The following RPAP2 variants were observed in gnomAD, a reference collection of about 807,000 sequenced individuals.
The protein encoded by RPAP2 is putative RNA polymerase II subunit B1 CTD phosphatase RPAP2.
In RPAP2, 52 loss-of-function variants were observed where a neutral mutation model predicts 73.1. The ratio of observed to expected loss-of-function variants is 0.71; its 90% CI spans 0.57 to 0.90. The LOEUF (loss-of-function observed/expected upper bound fraction) is 0.90, where lower values mean the gene tolerates loss of function less well. RPAP2 is among the 40% of genes least tolerant of loss of function. RPAP2 has a pLI of 0.00. For missense variants in RPAP2, 598 were observed against 701.8 expected (o/e 0.85, Z 1.67); for synonymous variants, 225 against 242.1 (o/e 0.93, Z 0.65).
intron 8 of RPAP2, among the ~76,000 whole-genome samples, chr1:92,330,525 G>A (rs1242590031): frequency 7.7e-6 from 1 of 129,114 alleles, no homozygotes; most frequent in African/African-American, 3.0e-5. Flanking sequence ...TTGGCTCACT[G>A]CAAACTCCAC....
chr1:92,301,484 A>G lies in RPAP2; in HGVS notation c.128A>G (p.Glu43Gly). ...KQEDASKRKA[E>G]LEAAVRKKIE... The stretch of plus-strand genomic sequence containing the variant: ...TCTCTTTCAAATTTTAGGAAAGCTG[A>G]ACTAGAAGCAGCTGTGAGAAAGAAG... The change falls in exon 3 of 13, where the codon GAA (glutamate) becomes GGA (glycine). Residue 43 changes from glutamate to glycine, a missense_variant. Physicochemically the swap from Glu to Gly is moderately conservative, Grantham distance 98. Around this residue, in one of 3 missense-constraint regions of RPAP2, gnomAD observed 77 missense variants for 55.7 expected, o/e 1.38. Transcript: ENST00000610020. 1 of 1,572,540 alleles carries G rather than the reference A, an allele frequency of 6.4e-7. No homozygotes were observed. The highest frequency in any genetic ancestry group is 8.6e-7 in the Non-Finnish European group (1 of 1,157,342).
intron 11 of RPAP2, among the ~76,000 whole-genome samples, chr1:92,354,762 T>C (rs1654380391): frequency 1.3e-5 from 2 of 152,164 alleles, no homozygotes; most frequent in South Asian, 4.1e-4. Context: ...TATATTCTTC[T>C]TGTCTACTTT....
intron 11 of RPAP2, among the ~76,000 whole-genome samples, chr1:92,368,197 G>A (rs531129885): frequency 1.3e-5 from 2 of 152,070 alleles, no homozygotes; most frequent in South Asian, 2.1e-4. Context: ...TGGCCAACAC[G>A]CTGAAACCCC....
intron 12 of RPAP2, among the ~76,000 whole-genome samples, chr1:92,383,108 G>A (rs1557635374): frequency 6.6e-6 from 1 of 152,122 alleles, no homozygotes; most frequent in Non-Finnish European, 1.5e-5. Flanking sequence ...TGAGGGCTCT[G>A]TTCTGTTCCA....
intron 12 of RPAP2, among the ~76,000 whole-genome samples, chr1:92,382,865 T>A (rs1270497477): frequency 2.0e-5 from 3 of 152,042 alleles, no homozygotes; most frequent in African/African-American, 7.2e-5. Context: ...CTGAATGGTA[T>A]TGCCTAGGTT....
intron 8 of RPAP2, among the ~76,000 whole-genome samples, chr1:92,332,445 A>G (rs1456077900): frequency 6.6e-6 from 1 of 152,134 alleles, no homozygotes; most frequent in Non-Finnish European, 1.5e-5. Context: ...TGATCTCTGT[A>G]GGCTGTTTCA....
At chr1:92,364,509 T>C (rs1416752796) in intron 11 of RPAP2, among the ~76,000 whole-genome samples, 1 of 152,112 alleles carries the variant, frequency 6.6e-6, no homozygotes. Context: ...TTTTTTTTAT[T>C]TTTTGCTGGG....
chr1:92,385,766 A>T (rs766203774), intron 12 of RPAP2, among the ~76,000 whole-genome samples: 43 of 152,246 alleles, frequency 2.8e-4, no homozygotes, highest in Non-Finnish European at 1.0e-4. Context: ...AACAAAAAAG[A>T]TGTTTGTGGT....
At chr1:92,327,299 T>G (rs547761469) in intron 8 of RPAP2, among the ~76,000 whole-genome samples, 2 of 152,290 alleles carry the variant, frequency 1.3e-5, no homozygotes, top group African/African-American at 4.8e-5. Context: ...CTATCTCATT[T>G]CCTAGGTCTC....
chr1:92,304,150 GAAAT>G (rs1358476302), intron 4 of RPAP2, 75 bp downstream of exon 4: 13 of 1,285,098 alleles, frequency 1.0e-5, no homozygotes, highest in Non-Finnish European at 2.2e-6. Context: ...GTAAGAATAA[GAAAT>G]AAAACCTAAG....
At chr1:92,355,773 GGA>G (rs1165770260) in intron 11 of RPAP2, among the ~76,000 whole-genome samples, 12 of 152,154 alleles carry the variant, frequency 7.9e-5, no homozygotes, top group African/African-American at 2.9e-4. Flanking sequence ...AATACTCATT[GGA>G]GTGTTTCAGA....
chr1:92,375,957 G>A (rs1313529879), intron 11 of RPAP2, among the ~76,000 whole-genome samples: 1 of 144,952 alleles, frequency 6.9e-6, no homozygotes. Context: ...CCAAGATAGC[G>A]CCATTGCACT....
intron 10 of RPAP2, among the ~76,000 whole-genome samples, chr1:92,341,228 C>G (rs896520253): frequency 6.6e-6 from 1 of 152,006 alleles, no homozygotes; most frequent in Non-Finnish European, 1.5e-5. Context: ...AGGCTGGTCT[C>G]GAACTCCTGA....
chr1:92,393,428 C>T lies in RPAP2; in HGVS notation c.*6417C>T, dbSNP rs1441433252. On this transcript the variant is annotated 3_prime_UTR_variant, in exon 13 of 13. Transcript: ENST00000610020. ...TTCAGGACATAGGCATGGGCAAAGA[C>T]TTCATGTCTAAAACACCAAAAGCAA... 6.6e-6 allele frequency: 1 copy of T among 152,168 alleles called. No homozygotes were observed. The allele number at this position is 152,168 out of a possible 1,614,324, so 9.4% of individuals were successfully genotyped here.
rs984869067 is a variant in RPAP2, at chr1:92,399,135, T to A, written c.*12124T>A. The stretch of plus-strand genomic sequence containing the variant: ...GAGCTGGCCTCACCTCTGGGGCCTA[T>A]GAAGAAAAGCCTGCTTCAAGGTGAT... On this transcript the variant is annotated 3_prime_UTR_variant, in exon 13 of 13. Coordinates refer to ENST00000610020, the MANE Select transcript of RPAP2 (RefSeq NM_024813.3). 2.0e-5 allele frequency: 3 copies of A among 152,264 alleles called. No individual in the cohort carries two copies. The highest frequency in any genetic ancestry group is 7.2e-5 in the African/African-American group (3 of 41,472). 9.4% of individuals were successfully genotyped at this position (152,264 alleles called of 1,614,324 possible).
intron 11 of RPAP2, among the ~76,000 whole-genome samples, chr1:92,377,522 A>G (rs147315169): frequency 6.7e-6 from 1 of 150,218 alleles, no homozygotes; most frequent in Middle Eastern, 3.3e-3. Flanking sequence ...GTCTCAAAAA[A>G]AAAAAAAAAA....
In RPAP2 at chr1:92,381,874, T is replaced by C. The variant is rs532426115; in HGVS notation, c.1838+1001T>C. Among the ~76,000 whole-genome samples the C allele has an allele frequency of 2.5e-3, 381 of 151,906 alleles. 3 individuals are homozygous for C. The highest frequency in any genetic ancestry group is 9.4e-3 in the South Asian group (45 of 4,806). Reference sequence around the variant, plus strand: ...CATGTTGGTGTGCTGCACCCATTAATTTGTCATTTAACATTAGGTATATCT... The same window carrying C: ...CATGTTGGTGTGCTGCACCCATTAACTTGTCATTTAACATTAGGTATATCT... On this transcript the variant is annotated intron_variant, in intron 12 of 12. Transcript: ENST00000610020.
intron 11 of RPAP2, among the ~76,000 whole-genome samples, chr1:92,359,687 T>G (rs1424922596): frequency 1.3e-5 from 2 of 152,218 alleles, no homozygotes; most frequent in African/African-American, 4.8e-5. Context: ...TTTAGGCAGA[T>G]TATCAGTTAG....
At chr1:92,366,417 GTACCACAAAGTAGT>G (rs1654936473) in intron 11 of RPAP2, among the ~76,000 whole-genome samples, 1 of 152,280 alleles carries the variant, frequency 6.6e-6, no homozygotes, top group Non-Finnish European at 1.5e-5. Context: ...GTTTAGCAAA[GTACCACAAAGTAGT>G]TACCTATGCA....
Sources: allele counts gnomAD v4.1 joint callset (sites outside exome capture counted in the v4.1 genomes callset), GRCh38; gene constraint gnomAD v4.1.1; regional missense constraint gnomAD v4.1.1; transcripts MANE v1.5; gene names NCBI Gene and HGNC (gene_info 2026-07-23, HGNC 2026-07-21).